Variants in USP39 observed in about 807,000 individuals in gnomAD.
USP39 encodes ubiquitin carboxyl-terminal hydrolase 39.
USP39 carries 38 observed loss-of-function variants against 66.4 expected under a neutral mutation model. The observed-to-expected ratio is 0.57, with a 90% CI of 0.44 to 0.75. The LOEUF (loss-of-function observed/expected upper bound fraction) is 0.75, where lower values mean the gene tolerates loss of function less well. USP39 is among the 30% of genes least tolerant of loss of function. USP39 has a pLI of 0.00. For synonymous variants in USP39, 303 were observed against 274.6 expected, an observed-to-expected ratio of 1.10 and a Z score of -1.02; for missense variants, 608 against 714.4, an observed-to-expected ratio of 0.85 and a Z score of 1.70.
upstream of USP39, among the ~76,000 whole-genome samples, chr2:85,615,381 C>G (rs1673851684): frequency 1.3e-5 from 2 of 152,102 alleles, no homozygotes; most frequent in Non-Finnish European, 2.9e-5. Context: ...TGGAACGGTT[C>G]AAACAAGCAA....
intron 4 of USP39, 80 bp downstream of exon 4, chr2:85,623,862 G>A (rs1056432013): frequency 4.6e-5 from 67 of 1,444,676 alleles, no homozygotes; most frequent in Admixed American, 1.6e-4. Flanking sequence ...CCCCACCTGA[G>A]GACAGGGAAG....
At chr2:85,613,470 C>G (rs1673708521), upstream of USP39, among the ~76,000 whole-genome samples, 1 of 152,082 alleles carries the variant, frequency 6.6e-6, no homozygotes, top group Non-Finnish European at 1.5e-5. Flanking sequence ...CGAGATCGAG[C>G]CACTGCAGTC....
upstream of USP39, among the ~76,000 whole-genome samples, chr2:85,614,717 T>C (rs1200671252): frequency 2.6e-5 from 4 of 152,190 alleles, no homozygotes; most frequent in Non-Finnish European, 4.4e-5. Context: ...AGAAGAAATA[T>C]TATCTTTAAA....
intron 3 of USP39, among the ~76,000 whole-genome samples, chr2:85,623,042 A>G (rs897072975): frequency 2.6e-5 from 4 of 152,196 alleles, no homozygotes; most frequent in South Asian, 2.1e-4. Flanking sequence ...GCAAAAATCA[A>G]TGTTAGCTGG....
chr2:85,620,723 C>T (rs906752057), intron 2 of USP39, among the ~76,000 whole-genome samples: 5 of 152,226 alleles, frequency 3.3e-5, no homozygotes, highest in Admixed American at 2.6e-4. Context: ...TACTGAGGGA[C>T]AGCTGTATTT....
chr2:85,618,592 A>G (rs1431315234), intron 1 of USP39, among the ~76,000 whole-genome samples: 1 of 151,306 alleles, frequency 6.6e-6, no homozygotes, highest in African/African-American at 2.4e-5. Flanking sequence ...AAAACGAAAC[A>G]CACAACTATA....
chr2:85,620,057 C>T (rs1348272228), intron 2 of USP39, among the ~76,000 whole-genome samples: 1 of 151,708 alleles, frequency 6.6e-6, no homozygotes, highest in Non-Finnish European at 1.5e-5. Context: ...GGGGTTTCAT[C>T]ATGTTGGCCA....
chr2:85,640,209 A>G (rs555063232), intron 9 of USP39, among the ~76,000 whole-genome samples: 2 of 151,984 alleles, frequency 1.3e-5, no homozygotes, highest in Middle Eastern at 3.4e-3. Flanking sequence ...TCCTGTTTTC[A>G]GCTTTCTGCC....
At chr2:85,616,609 G>A in intron 1 of USP39, 146 bp downstream of exon 1, 1 of 1,315,462 alleles carries the variant, frequency 7.6e-7, no homozygotes, top group Non-Finnish European at 9.9e-7. Context: ...CAGACTCGAC[G>A]ATTCTGCTGT....
At chr2:85,612,034 G>C (rs778460121), upstream of USP39, 256 of 1,329,204 alleles carry the variant, frequency 1.9e-4, no homozygotes, top group East Asian at 1.6e-3. Context: ...CCCAACAACA[G>C]CCACCCGCCC....
At chr2:85,621,346 C>T in intron 2 of USP39, 139 bp from the exon 3 acceptor site, 1 of 658,672 alleles carries the variant, frequency 1.5e-6, no homozygotes, top group East Asian at 2.8e-5. Flanking sequence ...AATCAGTGTC[C>T]CCCATGGTGT....
At position 85,637,383 on chromosome 2, in the gene USP39, G is replaced by A; in HGVS notation, c.1042G>A (p.Val348Ile). Reference protein sequence around the residue: ...KKKKKTIVTDVFQGSMRIFTK... With the variant: ...KKKKKTIVTDIFQGSMRIFTK... Reference sequence around the variant, plus strand: ...TGTTTGTGCAGCTATTGTGACTGATGTTTTCCAGGGGTCCATGAGGATCTT... The same window carrying A: ...TGTTTGTGCAGCTATTGTGACTGATATTTTCCAGGGGTCCATGAGGATCTT... The change falls in exon 8 of 13, where the codon GTT (valine) becomes ATT (isoleucine). Residue 348 changes from valine to isoleucine, a missense_variant. Physicochemically the swap from Val to Ile is conservative, Grantham distance 29. Transcript: ENST00000323701. The A allele has an allele frequency of 6.2e-7, 1 of 1,614,162 alleles. No individual in the cohort carries two copies. The highest frequency in any genetic ancestry group is 8.5e-7 in the Non-Finnish European group (1 of 1,180,032).
At chr2:85,646,428 A>C (rs1239142996) in intron 11 of USP39, among the ~76,000 whole-genome samples, 3 of 152,222 alleles carry the variant, frequency 2.0e-5, no homozygotes, top group African/African-American at 7.2e-5. Context: ...CCTCCAAGAC[A>C]GATGTCAGTA....
upstream of USP39, chr2:85,612,040 C>G (rs957294912): frequency 2.3e-6 from 3 of 1,285,432 alleles, no homozygotes; most frequent in African/African-American, 1.5e-5. Flanking sequence ...AACAGCCACC[C>G]GCCCACAGAG....
At chr2:85,645,616 C>G (rs1028310613) in intron 11 of USP39, among the ~76,000 whole-genome samples, 11 of 152,220 alleles carry the variant, frequency 7.2e-5, no homozygotes, top group African/African-American at 2.6e-4. Context: ...TGGCACCACA[C>G]CAGGCCGGTT....
chr2:85,626,820 C>T (rs866480363), intron 5 of USP39, among the ~76,000 whole-genome samples: 1 of 151,158 alleles, frequency 6.6e-6, no homozygotes, highest in East Asian at 2.0e-4. Flanking sequence ...CAGGTTCAAG[C>T]GATTCTCCTG....
rs185332560 is a variant in USP39 at position 85,604,033 on chromosome 2, G to A, written n.226+952G>A. Among the ~76,000 whole-genome samples the A allele has an allele frequency of 7.2e-5, 11 of 152,308 alleles. No homozygotes were observed. The East Asian group carries it at 1.9e-3, about 27-fold the overall frequency. On this transcript the variant is annotated intron_variant and non_coding_transcript_variant, in intron 1 of 12. Coordinates refer to the USP39 transcript ENST00000459775. ...ATCATCACCTGAATGGTGCACAGGC[G>A]CAGGTTGCCCAGCGTGGGGAGCTGA...
chr2:85,624,974 A>C (rs1674736140), intron 4 of USP39, among the ~76,000 whole-genome samples: 1 of 151,914 alleles, frequency 6.6e-6, no homozygotes, highest in Non-Finnish European at 1.5e-5. Context: ...AAAAAAAAAA[A>C]AAAAGTTATG....
intron 1 of USP39, among the ~76,000 whole-genome samples, chr2:85,604,629 T>G (rs1673152317): frequency 6.6e-6 from 1 of 152,164 alleles, no homozygotes; most frequent in African/African-American, 2.4e-5. Context: ...GGGGATAAAA[T>G]CCAGCTCACC....
Sources: allele counts gnomAD v4.1 joint callset (sites outside exome capture counted in the v4.1 genomes callset), GRCh38; gene constraint gnomAD v4.1.1; transcripts MANE v1.5; gene names NCBI Gene and HGNC (gene_info 2026-07-23, HGNC 2026-07-21).